Variants in MARCHF3 observed in about 807,000 individuals in gnomAD.
MARCHF3 encodes the protein membrane associated ring-CH-type finger 3, also known as E3 ubiquitin-protein ligase MARCHF3.
A neutral mutation model predicts 24.2 loss-of-function variants in MARCHF3; 13 were observed. The ratio of observed to expected loss-of-function variants is 0.54; its 90% CI spans 0.35 to 0.85. MARCHF3 has a LOEUF of 0.85. MARCHF3 is among the 40% of genes least tolerant of loss of function. MARCHF3 has a pLI of 0.01. For missense variants in MARCHF3, 276 were observed against 325.0 expected (o/e 0.85, Z 1.16); for synonymous variants, 144 against 137.3 (o/e 1.05, Z -0.34).
In MARCHF3 at chr5:126,878,408, G is replaced by A; in HGVS notation, c.394-14C>T. 1 of 1,605,472 alleles carries A rather than the reference G, an allele frequency of 6.2e-7. No individual in the cohort carries two copies. Among genetic ancestry groups the A allele is most frequent in the Non-Finnish European group, 8.5e-7 (1 of 1,175,714 alleles). On this transcript the variant is annotated splice_polypyrimidine_tract_variant and intron_variant, in intron 3 of 4. Transcript: ENST00000308660. ...GTTTCTCAGCCACTGCCAGGTAAAG[G>A]GAGACAGAGAAGAGCAAGGGAGAGG...
chr5:126,971,295 A>G (rs1046308888), intron 1 of MARCHF3, among the ~76,000 whole-genome samples: 3 of 151,666 alleles, frequency 2.0e-5, no homozygotes, highest in African/African-American at 7.3e-5. Flanking sequence ...TAAAAATACA[A>G]AAAATTAGCC....
intron 3 of MARCHF3, among the ~76,000 whole-genome samples, chr5:126,906,144 C>T (rs1416854566): frequency 1.3e-4 from 19 of 150,624 alleles, no homozygotes; most frequent in Admixed American, 1.2e-3. Context: ...ATTGAACCAG[C>T]CTTGCATCCC....
rs557995401 is a variant in MARCHF3 at position 126,950,839 on chromosome 5, T to C, written c.-56-32612A>G. On this transcript the variant is annotated intron_variant, in intron 1 of 4. Transcript: ENST00000308660. The stretch of plus-strand genomic sequence containing the variant: ...CCTGAAATAGAAGGCTTTTCCATTT[T>C]TGTCTCCTATTACCTTTTTCAGCTT... Among the ~76,000 whole-genome samples the C allele has an allele frequency of 3.9e-5, 6 of 152,348 alleles. No individual in the cohort carries two copies. The South Asian group carries it at 1.2e-3, about 32-fold the overall frequency.
intron 1 of MARCHF3, among the ~76,000 whole-genome samples, chr5:127,011,379 G>A (rs376662399): frequency 1.4e-4 from 21 of 152,154 alleles, no homozygotes; most frequent in African/African-American, 5.1e-4. Context: ...CTTTGGGCAT[G>A]TGTTCAACTG....
At chr5:126,945,015 C>T (rs1291071937) in intron 1 of MARCHF3, among the ~76,000 whole-genome samples, 2 of 152,092 alleles carry the variant, frequency 1.3e-5, no homozygotes, top group Non-Finnish European at 2.9e-5. Context: ...CCCCTTCCTC[C>T]CTCATCCATC....
At position 126,995,898 on chromosome 5, in the gene MARCHF3, C is replaced by T. The variant is rs1751934044; in HGVS notation, c.-57+34452G>A. Among the ~76,000 whole-genome samples the T allele has an allele frequency of 2.0e-5, 3 of 152,204 alleles. No individual in the cohort carries two copies. The South Asian group carries it at 6.2e-4, about 31-fold the overall frequency. ...GGCAATGTGTGATGTGTTATAAACACAGGCATAAATACACTGCTAAGGCAG... is the reference window on the plus strand; with the variant it reads ...GGCAATGTGTGATGTGTTATAAACATAGGCATAAATACACTGCTAAGGCAG... On this transcript the variant is annotated intron_variant, in intron 1 of 4. Transcript: ENST00000308660.
At chr5:127,024,782 T>C (rs1752939491) in intron 1 of MARCHF3, among the ~76,000 whole-genome samples, 1 of 152,196 alleles carries the variant, frequency 6.6e-6, no homozygotes. Flanking sequence ...GGGAGTGTAC[T>C]CATAATTTTC....
At chr5:126,992,521 G>A (rs912743383) in intron 1 of MARCHF3, among the ~76,000 whole-genome samples, 1 of 152,106 alleles carries the variant, frequency 6.6e-6, no homozygotes, top group East Asian at 1.9e-4. Flanking sequence ...CAAAAACTCC[G>A]TTGAGTTTTG....
intron 4 of MARCHF3, among the ~76,000 whole-genome samples, chr5:126,871,607 T>C (rs1189747500): frequency 6.6e-6 from 1 of 152,226 alleles, no homozygotes; most frequent in Non-Finnish European, 1.5e-5. Context: ...TACAATGTCT[T>C]GCACTTAGGA....
At chr5:126,957,632 A>G (rs1032095078) in intron 1 of MARCHF3, among the ~76,000 whole-genome samples, 2 of 152,156 alleles carry the variant, frequency 1.3e-5, no homozygotes, top group Non-Finnish European at 2.9e-5. Flanking sequence ...ATTCTTATAC[A>G]TACTTGAATC....
At chr5:126,998,296 T>C (rs955311104) in intron 1 of MARCHF3, among the ~76,000 whole-genome samples, 2 of 152,182 alleles carry the variant, frequency 1.3e-5, no homozygotes, top group Non-Finnish European at 2.9e-5. Context: ...AAACAGAAAG[T>C]GCTGACTTAT....
chr5:126,974,905 T>C (rs1751143174), intron 1 of MARCHF3, among the ~76,000 whole-genome samples: 1 of 152,250 alleles, frequency 6.6e-6, no homozygotes. Context: ...GTAATCTGGC[T>C]ACCATTCATT....
chr5:126,992,479 C>G (rs185450995), intron 1 of MARCHF3, among the ~76,000 whole-genome samples: 23 of 152,294 alleles, frequency 1.5e-4, no homozygotes, highest in African/African-American at 5.5e-4. Context: ...GCTTTCTCAT[C>G]TCCTTTCTAT....
chr5:126,979,776 C>G (rs528553087), intron 1 of MARCHF3, among the ~76,000 whole-genome samples: 1 of 151,888 alleles, frequency 6.6e-6, no homozygotes. Context: ...TGGAGAAACC[C>G]TGTCTCTACT....
At chr5:126,956,198 C>T (rs1750435002) in intron 1 of MARCHF3, among the ~76,000 whole-genome samples, 1 of 152,144 alleles carries the variant, frequency 6.6e-6, no homozygotes. Context: ...CTCAAATTGT[C>T]CATCTGTACC....
chr5:126,896,099 T>C (rs1753896317), intron 3 of MARCHF3, among the ~76,000 whole-genome samples: 1 of 152,192 alleles, frequency 6.6e-6, no homozygotes, highest in African/African-American at 2.4e-5. Context: ...CCCCTTTCTT[T>C]GACTCAGAAA....
chr5:126,969,781 T>C (rs1349317628), intron 1 of MARCHF3, among the ~76,000 whole-genome samples: 1 of 152,192 alleles, frequency 6.6e-6, no homozygotes, highest in Admixed American at 6.5e-5. Flanking sequence ...GAGATTCTGC[T>C]ACAGGAGGCT....
intron 1 of MARCHF3, among the ~76,000 whole-genome samples, chr5:126,997,299 T>A (rs1438377276): frequency 6.6e-6 from 1 of 152,118 alleles, no homozygotes; most frequent in Non-Finnish European, 1.5e-5. Context: ...TGTGAATGCA[T>A]GGGAAAGCCA....
chr5:127,014,244 T>C (rs574268867), intron 1 of MARCHF3, among the ~76,000 whole-genome samples: 4 of 152,100 alleles, frequency 2.6e-5, no homozygotes, highest in African/African-American at 9.6e-5. Context: ...AACAGGTATA[T>C]GGAAAAATGC....
Sources: allele counts gnomAD v4.1 joint callset (sites outside exome capture counted in the v4.1 genomes callset), GRCh38; gene constraint gnomAD v4.1.1; transcripts MANE v1.5; gene names NCBI Gene and HGNC (gene_info 2026-07-23, HGNC 2026-07-21).